Variants in HNF1A observed in about 807,000 individuals in gnomAD.
The protein encoded by HNF1A is hepatocyte nuclear factor 1-alpha.
HNF1A carries 21 observed loss-of-function variants against 62.2 expected under a neutral mutation model. That is an observed-to-expected ratio of 0.34 (90% CI 0.24 to 0.49). The LOEUF is 0.49. Among genes scored for constraint, HNF1A ranks in the 20% least tolerant of loss-of-function variants. The pLI is 0.99. For missense variants in HNF1A, 687 were observed against 832.3 expected (o/e 0.83, Z 2.15); for synonymous variants, 374 against 366.8 (o/e 1.02, Z -0.22).
intron 2 of HNF1A, among the ~76,000 whole-genome samples, chr12:120,992,905 C>A (rs977889551): frequency 6.6e-6 from 1 of 152,198 alleles, no homozygotes; most frequent in African/African-American, 2.4e-5. Flanking sequence ...AATCTACCTT[C>A]CTCTCTTCTC....
chr12:120,999,798 C>T (rs940802711), intron 9 of HNF1A, among the ~76,000 whole-genome samples, 171 bp downstream of exon 9: 1 of 152,094 alleles, frequency 6.6e-6, no homozygotes, highest in Non-Finnish European at 1.5e-5. Flanking sequence ...CCATGAAGCC[C>T]AAGAGGCACA....
chr12:120,991,011 C>T (rs116720477), intron 2 of HNF1A, among the ~76,000 whole-genome samples: 1,678 of 152,266 alleles, frequency 0.011, 32 homozygotes, highest in African/African-American at 0.038. Flanking sequence ...ATTGATGGAT[C>T]TCATTCTTTA....
chr12:120,983,134 C>T (rs1202878588), intron 1 of HNF1A, among the ~76,000 whole-genome samples: 1 of 152,196 alleles, frequency 6.6e-6, no homozygotes, highest in Non-Finnish European at 1.5e-5. Context: ...GCAAGAGGCT[C>T]AAAGCCTTGG....
In HNF1A at chr12:121,002,451, A is replaced by G. The variant is rs748846450; in HGVS notation, c.*1259A>G. On this transcript the variant is annotated 3_prime_UTR_variant, in exon 10 of 10. Coordinates refer to ENST00000257555, the MANE Select transcript of HNF1A (RefSeq NM_000545.8). The stretch of plus-strand genomic sequence containing the variant: ...CCGGCACCCCCTGCAGCTTGTAGCC[A>G]GCCGGGGCGAGTGGCACGTTTATTT... The G allele has an allele frequency of 1.9e-6, 1 of 529,768 alleles. No homozygotes were observed. 32.8% of individuals were successfully genotyped at this position (529,768 alleles called of 1,614,324 possible). A position where few individuals can be genotyped will look rare whatever the true frequency, so the allele number is the denominator to read the frequency against.
At chr12:120,981,164 G>A (rs780130072) in intron 1 of HNF1A, among the ~76,000 whole-genome samples, 1 of 151,058 alleles carries the variant, frequency 6.6e-6, no homozygotes, top group African/African-American at 2.4e-5. Context: ...AGGGAGAGAG[G>A]GGCGGGGGAC....
intron 4 of HNF1A, among the ~76,000 whole-genome samples, chr12:120,994,992 C>T (rs1419572170): frequency 6.6e-6 from 1 of 151,594 alleles, no homozygotes; most frequent in Non-Finnish European, 1.5e-5. Context: ...AACTCCACTC[C>T]ATCCACTGTA....
chr12:120,990,769 GA>G (rs1002361711), intron 2 of HNF1A, among the ~76,000 whole-genome samples: 1 of 152,102 alleles, frequency 6.6e-6, no homozygotes, highest in African/African-American at 2.4e-5. Context: ...AAAAAAAGAA[GA>G]AAAACAGAGT....
intron 1 of HNF1A, among the ~76,000 whole-genome samples, chr12:120,985,295 T>C (rs1468366206): frequency 6.7e-6 from 1 of 148,658 alleles, no homozygotes; most frequent in East Asian, 2.0e-4. Flanking sequence ...TTGTCCAGGC[T>C]GGTCTTGAAC....
At chr12:120,999,931 A>T (rs1030816100) in intron 9 of HNF1A, among the ~76,000 whole-genome samples, 2 of 152,254 alleles carry the variant, frequency 1.3e-5, no homozygotes, top group African/African-American at 4.8e-5. Flanking sequence ...TGTGAGCCAG[A>T]AGCGACTCTT....
rs970766228 is a variant in HNF1A, at chr12:120,978,582, C to A, written c.-187C>A. 1 of 650,216 alleles carries A rather than the reference C, an allele frequency of 1.5e-6. No individual in the cohort carries two copies. The highest frequency in any genetic ancestry group is 2.8e-6 in the Non-Finnish European group (1 of 362,296). 40.3% of individuals were successfully genotyped at this position (650,216 alleles called of 1,614,324 possible). A position where few individuals can be genotyped will look rare whatever the true frequency, so the allele number is the denominator to read the frequency against. On this transcript the variant is annotated 5_prime_UTR_variant, in exon 1 of 10. Transcript: ENST00000257555. ...CAGAACAGGCAGGGGCCCTGATTCA[C>A]GGGCCGCTGGGGCCAGGGTTGGGGG...
At position 121,001,716 on chromosome 12, in the gene HNF1A, C is replaced by T; in HGVS notation, c.*524C>T. On this transcript the variant is annotated 3_prime_UTR_variant, in exon 10 of 10. Coordinates refer to ENST00000257555, the MANE Select transcript of HNF1A (RefSeq NM_000545.8). ...CTCCTTCCAGCTAGTGACCCACATG[C>T]CATTTGTACTGACCCCATCACCTAC... The T allele has an allele frequency of 2.0e-6, 1 of 509,314 alleles. No homozygotes were observed. The highest frequency in any genetic ancestry group is 3.8e-6 in the Non-Finnish European group (1 of 263,260). The allele number at this position is 509,314 out of a possible 1,614,324, so 31.5% of individuals were successfully genotyped here.
chr12:120,990,166 G>C (rs1255872767), intron 2 of HNF1A, among the ~76,000 whole-genome samples: 3 of 151,724 alleles, frequency 2.0e-5, no homozygotes, highest in African/African-American at 7.3e-5. Flanking sequence ...TTTTGAGACA[G>C]AGTCTCACTC....
chr12:120,986,473 G>T (rs56339655), intron 1 of HNF1A, among the ~76,000 whole-genome samples: 1 of 152,236 alleles, frequency 6.6e-6, no homozygotes, highest in Non-Finnish European at 1.5e-5. Context: ...ATTGCTCAGC[G>T]AGGCAGGGGA....
In HNF1A at chr12:121,002,247, T is replaced by C; in HGVS notation, c.*1055T>C. On this transcript the variant is annotated 3_prime_UTR_variant, in exon 10 of 10. Coordinates refer to ENST00000257555, the MANE Select transcript of HNF1A (RefSeq NM_000545.8). ...ACACTCAGAAGCCTGGGGGCCTGGC[T>C]GGCTGAGGGCAGTTCGCAGCCACCC... is the stretch of plus-strand genomic sequence containing the variant. 2.3e-6 allele frequency: 1 copy of C among 440,436 alleles called. No individual in the cohort carries two copies. The highest frequency in any genetic ancestry group is 3.4e-5 in the Admixed American group (1 of 29,324). 27.3% of individuals were successfully genotyped at this position (440,436 alleles called of 1,614,324 possible).
chr12:120,987,356 G>A (rs532898142), intron 1 of HNF1A, among the ~76,000 whole-genome samples: 2 of 151,300 alleles, frequency 1.3e-5, no homozygotes, highest in Non-Finnish European at 2.9e-5. Flanking sequence ...GTGCCTGTAG[G>A]CCCAGCTACT....
chr12:120,997,456 C>A lies in HNF1A; in HGVS notation c.1310-18C>A. 6.3e-7 allele frequency: 1 copy of A among 1,593,242 alleles called. No homozygotes were observed. The highest frequency in any genetic ancestry group is 8.5e-7 in the Non-Finnish European group (1 of 1,171,730). On this transcript the variant is annotated intron_variant, in intron 6 of 9. Transcript: ENST00000257555. Reference sequence around the variant, plus strand: ...TATAACTGGGGGGCCCAGCTGATTCCCTCCCCTTCCACTCCAGGCCTGGCC... The same window carrying A: ...TATAACTGGGGGGCCCAGCTGATTCACTCCCCTTCCACTCCAGGCCTGGCC...
At chr12:121,000,329 G>A (rs1417167059) in intron 9 of HNF1A, among the ~76,000 whole-genome samples, 3 of 152,134 alleles carry the variant, frequency 2.0e-5, no homozygotes, top group African/African-American at 4.8e-5. Context: ...CCCATGAGGC[G>A]TGTCCATGAC....
At chr12:120,990,608 GAGGAAAGATAGGAAAGGGAGGAAAGAT>G (rs1180169636) in intron 2 of HNF1A, among the ~76,000 whole-genome samples, 21 of 130,700 alleles carry the variant, frequency 1.6e-4, no homozygotes, top group African/African-American at 6.8e-4. Context: ...ATAGGAAAGG[GAGGAAAGATAGGAAAGGGAGGAAAGAT>G]AGGAAAGGGA....
rs1363830401 is a variant in HNF1A at position 121,002,072 on chromosome 12, C to T, written c.*880C>T. ...CCTCTGTCTCGAGCGCCCTGCAGAC[C>T]CTGCCCTTGTTTGGGGCAGGAGTAG... On this transcript the variant is annotated 3_prime_UTR_variant, in exon 10 of 10. Coordinates refer to ENST00000257555, the MANE Select transcript of HNF1A (RefSeq NM_000545.8). The T allele has an allele frequency of 1.3e-5, 7 of 536,334 alleles. No individual in the cohort carries two copies. The highest frequency in any genetic ancestry group is 3.7e-5 in the African/African-American group (2 of 53,936). 33.2% of individuals were successfully genotyped at this position (536,334 alleles called of 1,614,324 possible).
Sources: allele counts gnomAD v4.1 joint callset (sites outside exome capture counted in the v4.1 genomes callset), GRCh38; gene constraint gnomAD v4.1.1; transcripts MANE v1.5; gene names NCBI Gene and HGNC (gene_info 2026-07-23, HGNC 2026-07-21).